Variants in CHSY1 observed in about 807,000 individuals in gnomAD.
CHSY1 encodes N-acetylgalactosaminyl-proteoglycan 3-beta-glucuronosyltransferase 1.
Under a neutral mutation model 59.8 loss-of-function variants are expected in CHSY1, and 13 were observed. The ratio of observed to expected loss-of-function variants is 0.22; its 90% CI spans 0.14 to 0.35. The LOEUF (loss-of-function observed/expected upper bound fraction) is 0.35, where lower values mean the gene tolerates loss of function less well. Among genes scored for constraint, CHSY1 ranks in the 10% least tolerant of loss-of-function variants. The pLI, the probability that CHSY1 is intolerant of heterozygous loss-of-function variation, is 1.00. For synonymous variants in CHSY1, 459 were observed against 401.2 expected, an observed-to-expected ratio of 1.14 and a Z score of -1.72; for missense variants, 947 against 1,030.6, an observed-to-expected ratio of 0.92 and a Z score of 1.11.
At chr15:101,237,497 G>GCCATCTTC (rs1489273658) in intron 1 of CHSY1, among the ~76,000 whole-genome samples, 11 of 152,334 alleles carry the variant, frequency 7.2e-5, no homozygotes, top group African/African-American at 2.6e-4. Context: ...ACAGAGGGAA[G>GCCATCTTC]ATGAGTGGTC....
intron 1 of CHSY1, among the ~76,000 whole-genome samples, chr15:101,244,269 C>T (rs779603704): frequency 1.6e-4 from 25 of 152,206 alleles, no homozygotes; most frequent in Non-Finnish European, 2.6e-4. Flanking sequence ...GAGGCCCCTG[C>T]ACTGAAAATG....
At chr15:101,195,564 C>G (rs1357518175) in intron 2 of CHSY1, among the ~76,000 whole-genome samples, 1 of 152,172 alleles carries the variant, frequency 6.6e-6, no homozygotes, top group African/African-American at 2.4e-5. Flanking sequence ...GCCCATGCCT[C>G]TAATCCCAGC....
chr15:101,186,435 T>C (rs1419430051), intron 2 of CHSY1, among the ~76,000 whole-genome samples: 2 of 152,156 alleles, frequency 1.3e-5, no homozygotes, highest in Non-Finnish European at 2.9e-5. Flanking sequence ...GTTTAGAATA[T>C]AACAATTTCA....
intron 2 of CHSY1, among the ~76,000 whole-genome samples, chr15:101,212,246 A>C (rs7162440): frequency 0.033 from 4,986 of 152,306 alleles, 113 homozygotes; most frequent in African/African-American, 0.065. Context: ...TTTGGGGAAA[A>C]AACACATGGC....
chr15:101,227,939 A>AGAATGT (rs112680434), intron 2 of CHSY1, among the ~76,000 whole-genome samples: 71,372 of 151,474 alleles, frequency 0.47, 19,368 homozygotes, highest in African/African-American at 0.77. Flanking sequence ...CTGAAGGGGT[A>AGAATGT]GATTTCAAGA....
intron 1 of CHSY1, among the ~76,000 whole-genome samples, chr15:101,250,223 G>T (rs2039092710): frequency 6.6e-6 from 1 of 152,158 alleles, no homozygotes; most frequent in African/African-American, 2.4e-5. Flanking sequence ...TCTGTGGCTG[G>T]ATAAGACCCA....
chr15:101,200,427 C>A (rs2038561614), intron 2 of CHSY1, among the ~76,000 whole-genome samples: 1 of 152,172 alleles, frequency 6.6e-6, no homozygotes, highest in Non-Finnish European at 1.5e-5. Flanking sequence ...CTAATTTGGT[C>A]CCAGTTTGTC....
chr15:101,245,873 G>A (rs990378930), intron 1 of CHSY1, among the ~76,000 whole-genome samples: 1 of 152,212 alleles, frequency 6.6e-6, no homozygotes, highest in African/African-American at 2.4e-5. Context: ...ACATGGAAAA[G>A]CCTTCTGTAT....
chr15:101,203,698 G>A (rs369093692), intron 2 of CHSY1, among the ~76,000 whole-genome samples: 10 of 152,194 alleles, frequency 6.6e-5, no homozygotes, highest in Admixed American at 4.6e-4. Context: ...ATCATACACC[G>A]AAATCATGTG....
At chr15:101,239,096 C>T (rs181187334) in intron 1 of CHSY1, among the ~76,000 whole-genome samples, 20 of 152,324 alleles carry the variant, frequency 1.3e-4, no homozygotes, top group African/African-American at 4.6e-4. Flanking sequence ...CCTGATAATG[C>T]TCTCTTTATA....
At chr15:101,250,880 T>C (rs1052224216) in intron 1 of CHSY1, among the ~76,000 whole-genome samples, 1 of 152,112 alleles carries the variant, frequency 6.6e-6, no homozygotes. Context: ...AGTGCCTTCA[T>C]CAGGGTGAGA....
intron 2 of CHSY1, among the ~76,000 whole-genome samples, chr15:101,182,907 TAAAAC>T (rs918191782): frequency 3.3e-5 from 5 of 151,654 alleles, no homozygotes; most frequent in African/African-American, 7.3e-5. Context: ...ATGATGAAAA[TAAAAC>T]AAAACAAAAG....
rs550191571 is a variant in CHSY1 at position 101,176,792 on chromosome 15, T to C, written c.*596A>G. On this transcript the variant is annotated 3_prime_UTR_variant, in exon 3 of 3. Coordinates refer to ENST00000254190, the MANE Select transcript of CHSY1 (RefSeq NM_014918.5). ...GCCTGGGTAACAGAGTGAGACTCCGTCTCAAAAAAAGAACAAAACAAAACA... is the reference window on the plus strand; with the variant it reads ...GCCTGGGTAACAGAGTGAGACTCCGCCTCAAAAAAAGAACAAAACAAAACA... The C allele has an allele frequency of 1.1e-5, 2 of 178,396 alleles. No homozygotes were observed. Among genetic ancestry groups the C allele is most frequent in the South Asian group, 4.0e-4 (2 of 5,046 alleles). The allele number at this position is 178,396 out of a possible 1,614,324, so 11.1% of individuals were successfully genotyped here.
intron 2 of CHSY1, among the ~76,000 whole-genome samples, chr15:101,193,233 G>C (rs1268481260): frequency 6.6e-6 from 1 of 152,228 alleles, no homozygotes; most frequent in Non-Finnish European, 1.5e-5. Flanking sequence ...AACAAGGAGT[G>C]TGTCAGACGG....
intron 1 of CHSY1, 108 bp downstream of exon 1, chr15:101,251,029 C>T: frequency 1.8e-6 from 2 of 1,093,824 alleles, no homozygotes; most frequent in Non-Finnish European, 2.6e-6. Flanking sequence ...GCCGGAAGCC[C>T]AAGAAGGGCC....
At chr15:101,219,719 C>A (rs1246124545) in intron 2 of CHSY1, among the ~76,000 whole-genome samples, 1 of 152,148 alleles carries the variant, frequency 6.6e-6, no homozygotes, top group African/African-American at 2.4e-5. Flanking sequence ...AAAAAAGTTT[C>A]CCATTGTTAT....
intron 2 of CHSY1, among the ~76,000 whole-genome samples, chr15:101,216,160 G>A (rs2038729638): frequency 7.1e-6 from 1 of 140,994 alleles, no homozygotes; most frequent in Non-Finnish European, 1.5e-5. Flanking sequence ...CATCAAGAAG[G>A]CATTAAAAAC....
rs74643038 is a variant in CHSY1, at chr15:101,191,603, A to G, written c.817-12623T>C. On this transcript the variant is annotated intron_variant, in intron 2 of 2. Transcript: ENST00000254190. ...ATGATATGTCACTGTAGGTTCACCAATTGTAACAAAGGTACCACCACTCTG... is the reference window on the plus strand; with the variant it reads ...ATGATATGTCACTGTAGGTTCACCAGTTGTAACAAAGGTACCACCACTCTG... Among the ~76,000 whole-genome samples, 328 of 152,326 alleles carry G rather than the reference A, an allele frequency of 2.2e-3. 2 individuals carry two copies. The highest frequency in any genetic ancestry group is 7.7e-3 in the African/African-American group (318 of 41,568).
chr15:101,238,493 A>AT (rs1596454009), intron 1 of CHSY1, among the ~76,000 whole-genome samples: 1 of 152,108 alleles, frequency 6.6e-6, no homozygotes, highest in African/African-American at 2.4e-5. Flanking sequence ...AAATATATAC[A>AT]TTTTTTCATC....
Sources: gnomAD v4.1 joint callset for allele counts (sites outside exome capture counted in the v4.1 genomes callset) on GRCh38, gnomAD v4.1.1 for gene constraint, MANE v1.5 for transcripts, NCBI Gene and HGNC (gene_info 2026-07-23, HGNC 2026-07-21) for gene names.